Variants in SIRPB2 observed in about 807,000 individuals in gnomAD.
The protein encoded by SIRPB2 is signal regulatory protein beta 2.
Under a neutral mutation model 27.1 loss-of-function variants are expected in SIRPB2, and 18 were observed. That is an observed-to-expected ratio of 0.66 (90% CI 0.46 to 0.98). The LOEUF (loss-of-function observed/expected upper bound fraction) is 0.98, where lower values mean the gene tolerates loss of function less well. Among genes scored for constraint, SIRPB2 ranks in the 50% least tolerant of loss-of-function variants. The pLI is 0.00. For missense variants in SIRPB2, 420 were observed against 417.4 expected (o/e 1.01, Z -0.06); for synonymous variants, 150 against 164.6 (o/e 0.91, Z 0.68).
intron 1 of SIRPB2, among the ~76,000 whole-genome samples, chr20:1,486,234 G>C: frequency 6.6e-6 from 1 of 151,724 alleles, no homozygotes; most frequent in South Asian, 2.1e-4. Flanking sequence ...CACCATGCCC[G>C]GCTAATTTTT....
rs1287835551 is a variant in SIRPB2 at position 1,485,636 on chromosome 20, A to ACG, written c.86-5572_86-5571insCG. 5.3e-3 allele frequency among the ~76,000 whole-genome samples: 734 copies of ACG among 138,130 alleles called. 3 individuals are homozygous for ACG. Among genetic ancestry groups the ACG allele is most frequent in the African/African-American group, 0.021 (707 of 33,826 alleles). 90.6% of individuals were successfully genotyped at this position (138,130 alleles called of 152,430 possible). A position where few individuals can be genotyped will look rare whatever the true frequency, so the allele number is the denominator to read the frequency against. ...AATGAAACTTAATACAGTAGAACAC[A>ACG]CACACACACACACACACCACACACA... On this transcript the variant is annotated intron_variant, in intron 1 of 4. Coordinates refer to ENST00000359801, the MANE Select transcript of SIRPB2 (RefSeq NM_001122962.2).
At chr20:1,490,716 G>T (rs2090768845) in intron 1 of SIRPB2, among the ~76,000 whole-genome samples, 1 of 152,194 alleles carries the variant, frequency 6.6e-6, no homozygotes, top group African/African-American at 2.4e-5. Context: ...TAGTGGTGAG[G>T]TTTGAGCCTA....
chr20:1,470,930 C>T (rs1233758052), downstream of SIRPB2: 1 of 152,232 alleles, frequency 6.6e-6, no homozygotes, highest in Non-Finnish European at 1.5e-5. Context: ...CTGGCTCGTT[C>T]TTTCAGAGTG....
downstream of SIRPB2, chr20:1,471,205 T>G (rs1319971318): frequency 1.3e-5 from 2 of 152,252 alleles, no homozygotes; most frequent in African/African-American, 4.8e-5. Flanking sequence ...AACAGCAGTA[T>G]ATGTTGGCTT....
intron 3 of SIRPB2, 71 bp downstream of exon 3, chr20:1,478,195 G>A (rs556917273): frequency 2.3e-5 from 32 of 1,413,066 alleles, no homozygotes; most frequent in African/African-American, 1.4e-4. Context: ...TGGCTTGTTC[G>A]GGACATGTAG....
intron 1 of SIRPB2, among the ~76,000 whole-genome samples, chr20:1,482,134 C>T (rs992219712): frequency 2.6e-5 from 4 of 152,080 alleles, no homozygotes; most frequent in Non-Finnish European, 5.9e-5. Flanking sequence ...GTTATGACAT[C>T]GATAGAATAA....
At chr20:1,474,131 C>T (rs749580112), downstream of SIRPB2, among the ~76,000 whole-genome samples, 1 of 152,218 alleles carries the variant, frequency 6.6e-6, no homozygotes, top group African/African-American at 2.4e-5. Flanking sequence ...CTTAACATCT[C>T]TTTTAGGGCT....
Position 1,474,623 on chromosome 20 carries a change from G to A in SIRPB2, c.*1544C>T, listed in dbSNP as rs1042760726. ...AGTTTTGCTCTTGTTGCCCAGGCTG[G>A]AGTGCAATGGCGCGATCTCAGCTCA... On this transcript the variant is annotated 3_prime_UTR_variant, in exon 5 of 5. Coordinates refer to ENST00000359801, the MANE Select transcript of SIRPB2 (RefSeq NM_001122962.2). 2.0e-5 allele frequency: 3 copies of A among 152,774 alleles called. No individual in the cohort carries two copies. Among genetic ancestry groups the A allele is most frequent in the Non-Finnish European group, 4.4e-5 (3 of 68,638 alleles). The allele number at this position is 152,774 out of a possible 1,614,324, so 9.5% of individuals were successfully genotyped here. A position where few individuals can be genotyped will look rare whatever the true frequency, so the allele number is the denominator to read the frequency against.
Position 1,481,180 on chromosome 20 carries a change from A to G in SIRPB2, c.86-1115T>C, listed in dbSNP as rs530312607. On this transcript the variant is annotated intron_variant, in intron 1 of 4. Coordinates refer to ENST00000359801, the MANE Select transcript of SIRPB2 (RefSeq NM_001122962.2). ...AAACTTCCCCATTTATTATTTATTT[A>G]TTTTTTAATTTTTTTTGTAGTGATG... 3.9e-5 allele frequency among the ~76,000 whole-genome samples: 6 copies of G among 151,940 alleles called. No individual in the cohort carries two copies. In the East Asian group the frequency reaches 1.2e-3, roughly 29 times the overall value.
At chr20:1,474,094 T>A (rs1288685212), downstream of SIRPB2, among the ~76,000 whole-genome samples, 1 of 152,196 alleles carries the variant, frequency 6.6e-6, no homozygotes, top group Non-Finnish European at 1.5e-5. Flanking sequence ...ACATCGAAGA[T>A]CCATCCGTGT....
chr20:1,477,408 A>G lies in SIRPB2; in HGVS notation c.794-5T>C. ...CTTTGGAAGAGGTAGATTTTGCTGC[A>G]AGGGAGAGAGGCTTTGTCATACTTC... On this transcript the variant is annotated splice_polypyrimidine_tract_variant and splice_region_variant and intron_variant, in intron 3 of 4. Transcript: ENST00000359801. 1 of 1,611,030 alleles carries G rather than the reference A, an allele frequency of 6.2e-7. No individual in the cohort carries two copies. Among genetic ancestry groups the G allele is most frequent in the Non-Finnish European group, 8.5e-7 (1 of 1,177,758 alleles).
chr20:1,480,070 A>G lies in SIRPB2; in HGVS notation c.86-5T>C, dbSNP rs754881688. ...TGCTGCTCTGCCCAGAGGCATCTAC[A>G]AAAGAGGAAGAAAGACCTTGCACTG... On this transcript the variant is annotated splice_polypyrimidine_tract_variant and splice_region_variant and intron_variant, in intron 1 of 4. Transcript: ENST00000359801. 20 of 1,598,090 alleles carry G rather than the reference A, an allele frequency of 1.3e-5. No homozygotes were observed. The highest frequency in any genetic ancestry group is 1.0e-5 in the Non-Finnish European group (12 of 1,172,812).
downstream of SIRPB2, among the ~76,000 whole-genome samples, chr20:1,471,836 G>A (rs1434513180): frequency 1.3e-5 from 2 of 152,136 alleles, no homozygotes; most frequent in Non-Finnish European, 2.9e-5. Context: ...GGAAATGGAG[G>A]GTCCTCGAGC....
Position 1,491,181 on chromosome 20 carries a change from G to C in SIRPB2, c.85+94C>G, listed in dbSNP as rs561639836. The stretch of plus-strand genomic sequence containing the variant: ...ACCCCTCTTTACTCTATCTTCATGG[G>C]GTCAAGCTTCTTCAGGCATGGCAGA... On this transcript the variant is annotated intron_variant, in intron 1 of 4. Coordinates refer to ENST00000359801, the MANE Select transcript of SIRPB2 (RefSeq NM_001122962.2). The C allele has an allele frequency of 6.0e-6, 7 of 1,157,588 alleles. No individual in the cohort carries two copies. The African/African-American group carries it at 1.1e-4, about 18-fold the overall frequency. 71.7% of individuals were successfully genotyped at this position (1,157,588 alleles called of 1,614,324 possible).
At chr20:1,486,057 TTTTC>T (rs1226206086) in intron 1 of SIRPB2, among the ~76,000 whole-genome samples, 74 of 141,802 alleles carry the variant, frequency 5.2e-4, no homozygotes, top group African/African-American at 1.8e-3. Context: ...TTCCATATCT[TTTTC>T]TTTTCTTTTC....
intron 1 of SIRPB2, among the ~76,000 whole-genome samples, chr20:1,490,129 C>G (rs1347428851): frequency 2.0e-5 from 3 of 152,180 alleles, no homozygotes; most frequent in Non-Finnish European, 4.4e-5. Flanking sequence ...ATTTCCTAGT[C>G]TAGTGCCTAA....
intron 1 of SIRPB2, among the ~76,000 whole-genome samples, chr20:1,490,331 A>G (rs1453116694): frequency 2.6e-5 from 4 of 152,134 alleles, no homozygotes; most frequent in Non-Finnish European, 5.9e-5. Context: ...GCCACCCCGG[A>G]GGACCAAAGA....
intron 1 of SIRPB2, among the ~76,000 whole-genome samples, chr20:1,490,854 A>G (rs764384794): frequency 1.3e-5 from 2 of 152,202 alleles, no homozygotes; most frequent in African/African-American, 4.8e-5. Context: ...CTTTTTGAAC[A>G]AAAGACCGCA....
intron 1 of SIRPB2, among the ~76,000 whole-genome samples, chr20:1,484,505 G>C (rs953870895): frequency 2.0e-5 from 3 of 150,806 alleles, no homozygotes. Flanking sequence ...CAACTCAACA[G>C]TTAAAAAAAA....
Sources: allele counts gnomAD v4.1 joint callset (sites outside exome capture counted in the v4.1 genomes callset), GRCh38; gene constraint gnomAD v4.1.1; transcripts MANE v1.5; gene names NCBI Gene and HGNC (gene_info 2026-07-23, HGNC 2026-07-21).